Variants in NPAS3 observed in about 807,000 individuals in gnomAD.
The protein encoded by NPAS3 is neuronal PAS domain protein 3.
A neutral mutation model predicts 73.1 loss-of-function variants in NPAS3; 14 were observed. That is an observed-to-expected ratio of 0.19 (90% CI 0.13 to 0.30). The LOEUF is 0.30. NPAS3 is among the 10% of genes least tolerant of loss of function. NPAS3 has a pLI of 1.00. For synonymous variants in NPAS3, 620 were observed against 541.5 expected (o/e 1.14, Z -2.01); for missense variants, 1,096 against 1,250.0 (o/e 0.88, Z 1.86).
intron 4 of NPAS3, among the ~76,000 whole-genome samples, chr14:33,407,666 G>A (rs1334805371): frequency 2.0e-5 from 3 of 152,096 alleles, no homozygotes; most frequent in Middle Eastern, 6.8e-3. Context: ...AGAAATTTCG[G>A]TGCCTTTATT....
intron 1 of NPAS3, among the ~76,000 whole-genome samples, chr14:33,009,086 T>C (rs572726248): frequency 6.6e-6 from 1 of 152,248 alleles, no homozygotes; most frequent in African/African-American, 2.4e-5. Flanking sequence ...AATAATCTTG[T>C]TTATAGGTGG....
chr14:33,761,242 C>T (rs2062277598), intron 7 of NPAS3, among the ~76,000 whole-genome samples: 1 of 151,642 alleles, frequency 6.6e-6, no homozygotes, highest in Non-Finnish European at 1.5e-5. Flanking sequence ...GGTTGAAAGT[C>T]ACCACTTAAG....
rs1383349430 is a variant in NPAS3, at chr14:33,532,778, C to T, written c.469-27343C>T. On this transcript the variant is annotated intron_variant, in intron 4 of 11. Transcript: ENST00000356141. ...CCTTTCCTGTTGTGTAGTAAATGAC[C>T]GCTTCCTAAAAACAGTAGTAAGATA... Among the ~76,000 whole-genome samples, 4 of 152,150 alleles carry T rather than the reference C, an allele frequency of 2.6e-5. 1 individual carries two copies. The highest frequency in any genetic ancestry group is 4.2e-4 in the South Asian group (2 of 4,816).
intron 3 of NPAS3, among the ~76,000 whole-genome samples, chr14:33,298,377 G>A (rs184370845): frequency 4.7e-4 from 72 of 152,208 alleles, no homozygotes; most frequent in African/African-American, 1.7e-3. Context: ...GTTTTGTTTA[G>A]TTTTGCTTTG....
At chr14:33,737,411 G>C (rs2061549036) in intron 7 of NPAS3, among the ~76,000 whole-genome samples, 1 of 152,086 alleles carries the variant, frequency 6.6e-6, no homozygotes, top group African/African-American at 2.4e-5. Flanking sequence ...TGAACATCCA[G>C]GATTGGAAAA....
At chr14:33,566,931 A>T (rs146473148) in intron 5 of NPAS3, among the ~76,000 whole-genome samples, 2 of 152,378 alleles carry the variant, frequency 1.3e-5, no homozygotes, top group Non-Finnish European at 2.9e-5. Flanking sequence ...TCCCAGTGGC[A>T]GCCTCTTTGC....
At chr14:33,051,159 A>G (rs1051651515) in intron 1 of NPAS3, among the ~76,000 whole-genome samples, 3 of 151,266 alleles carry the variant, frequency 2.0e-5, no homozygotes, top group African/African-American at 7.3e-5. Flanking sequence ...CTGTAGTCCC[A>G]GCTACTCGGG....
At chr14:33,749,304 T>C (rs550197330) in intron 7 of NPAS3, among the ~76,000 whole-genome samples, 5 of 152,314 alleles carry the variant, frequency 3.3e-5, no homozygotes, top group Admixed American at 3.3e-4. Context: ...GTTATCTATC[T>C]TCTTTAATTA....
At chr14:33,343,673 C>T (rs1298460292) in intron 3 of NPAS3, among the ~76,000 whole-genome samples, 1 of 152,130 alleles carries the variant, frequency 6.6e-6, no homozygotes, top group South Asian at 2.1e-4. Context: ...TAGGCAAGGT[C>T]TCGTTCGTGG....
At chr14:33,152,314 A>ACTTCTCCTCTTC (rs1247621003) in intron 2 of NPAS3, among the ~76,000 whole-genome samples, 2 of 152,082 alleles carry the variant, frequency 1.3e-5, no homozygotes, top group Non-Finnish European at 2.9e-5. Context: ...GAGCATCATT[A>ACTTCTCCTCTTC]CTTCTCCTCT....
At chr14:33,310,596 A>G (rs2042961071) in intron 3 of NPAS3, among the ~76,000 whole-genome samples, 1 of 152,190 alleles carries the variant, frequency 6.6e-6, no homozygotes, top group Non-Finnish European at 1.5e-5. Context: ...TGACCATGAA[A>G]TCAACAAATC....
chr14:33,124,268 T>C (rs1043574873), intron 2 of NPAS3, among the ~76,000 whole-genome samples: 1 of 152,104 alleles, frequency 6.6e-6, no homozygotes, highest in Non-Finnish European at 1.5e-5. Context: ...TGAAAAGATT[T>C]TCTTCTGGTA....
chr14:33,335,068 G>GTGTGTA (rs1366925163), intron 3 of NPAS3, among the ~76,000 whole-genome samples: 45 of 150,950 alleles, frequency 3.0e-4, no homozygotes, highest in African/African-American at 1.1e-3. Flanking sequence ...GTGTGTGTGT[G>GTGTGTA]TGTATCACAT....
chr14:33,165,725 T>A (rs1405788443), intron 2 of NPAS3, among the ~76,000 whole-genome samples: 1 of 152,004 alleles, frequency 6.6e-6, no homozygotes, highest in Non-Finnish European at 1.5e-5. Context: ...TTAAGCTTAA[T>A]TGAAGGTACA....
chr14:33,583,414 A>G (rs1360799289), intron 5 of NPAS3: 1 of 152,206 alleles, frequency 6.6e-6, no homozygotes, highest in Non-Finnish European at 1.5e-5. Flanking sequence ...GGGTAACTAT[A>G]AATCAGTCTC....
intron 5 of NPAS3, among the ~76,000 whole-genome samples, chr14:33,614,390 G>A (rs947056259): frequency 6.6e-6 from 1 of 152,158 alleles, no homozygotes; most frequent in Admixed American, 6.5e-5. Context: ...TATTTGTGTA[G>A]AATATTGGTG....
At chr14:33,163,800 CA>C (rs2045012450) in intron 2 of NPAS3, among the ~76,000 whole-genome samples, 1 of 152,028 alleles carries the variant, frequency 6.6e-6, no homozygotes, top group African/African-American at 2.4e-5. Context: ...GATTTTATTC[CA>C]GGCCGAATGT....
chr14:33,555,132 T>C (rs1485839746), intron 4 of NPAS3, among the ~76,000 whole-genome samples: 1 of 152,208 alleles, frequency 6.6e-6, no homozygotes, highest in African/African-American at 2.4e-5. Context: ...CCTGTCTGGA[T>C]GGCTAAGAAC....
intron 5 of NPAS3, among the ~76,000 whole-genome samples, chr14:33,669,844 C>G (rs2059560633): frequency 6.6e-6 from 1 of 152,170 alleles, no homozygotes; most frequent in Non-Finnish European, 1.5e-5. Context: ...TCTGGCACAT[C>G]TTAACGTTCA....
Sources: allele counts gnomAD v4.1 joint callset (sites outside exome capture counted in the v4.1 genomes callset), GRCh38; gene constraint gnomAD v4.1.1; transcripts MANE v1.5; gene names NCBI Gene and HGNC (gene_info 2026-07-23, HGNC 2026-07-21).